The following TMEM63C variants were observed in gnomAD, a reference collection of about 807,000 sequenced individuals.
TMEM63C encodes transmembrane protein 63C, also known as osmosensitive cation channel TMEM63C.
Under a neutral mutation model 99.2 loss-of-function variants are expected in TMEM63C, and 32 were observed. That is an observed-to-expected ratio of 0.32 (90% CI 0.24 to 0.43). TMEM63C has a LOEUF of 0.43. Among genes scored for constraint, TMEM63C ranks in the 20% least tolerant of loss-of-function variants. TMEM63C has a pLI of 1.00. For synonymous variants in TMEM63C, 376 were observed against 397.9 expected (o/e 0.94, Z 0.66); for missense variants, 826 against 1,053.0 (o/e 0.78, Z 2.98).
intron 1 of TMEM63C, among the ~76,000 whole-genome samples, chr14:77,186,793 G>GTGTGTC (rs1555345696): frequency 1.1e-3 from 64 of 60,264 alleles, no homozygotes; most frequent in African/African-American, 2.3e-3. Flanking sequence ...GTGTGTGTGT[G>GTGTGTC]TGTGTGTCTG....
intron 21 of TMEM63C, among the ~76,000 whole-genome samples, chr14:77,250,750 T>C (rs989255642): frequency 3.3e-5 from 5 of 152,348 alleles, no homozygotes; most frequent in Middle Eastern, 3.4e-3. Flanking sequence ...GTCATTTATG[T>C]GGCTTACCCA....
At chr14:77,241,053 C>T (rs1248600902) in intron 13 of TMEM63C, among the ~76,000 whole-genome samples, 4 of 151,006 alleles carry the variant, frequency 2.6e-5, no homozygotes, top group Admixed American at 6.7e-5. Flanking sequence ...CAGGTTCAAG[C>T]GATTCTCCTG....
chr14:77,187,948 G>A (rs536172288), intron 1 of TMEM63C, among the ~76,000 whole-genome samples: 14 of 152,298 alleles, frequency 9.2e-5, no homozygotes, highest in African/African-American at 2.4e-4. Context: ...TGTGTGGGGC[G>A]GGGGGATGTG....
chr14:77,212,241 A>G (rs1472370905), intron 1 of TMEM63C: 1 of 152,194 alleles, frequency 6.6e-6, no homozygotes, highest in East Asian at 1.9e-4. Context: ...CTGTTATTAT[A>G]CCCATTTTCC....
chr14:77,209,547 T>C (rs1888460607), intron 1 of TMEM63C, among the ~76,000 whole-genome samples: 1 of 152,174 alleles, frequency 6.6e-6, no homozygotes, highest in Admixed American at 6.5e-5. Context: ...GATTTGTTGG[T>C]AAGCTGGCTG....
intron 13 of TMEM63C, among the ~76,000 whole-genome samples, chr14:77,241,770 A>G (rs546794837): frequency 1.8e-4 from 27 of 152,206 alleles, no homozygotes; most frequent in Non-Finnish European, 3.7e-4. Flanking sequence ...CTAAGGTTAT[A>G]TTGTTCATTC....
At chr14:77,238,594 T>C in intron 9 of TMEM63C, 100 bp from the exon 10 acceptor site, 1 of 926,566 alleles carries the variant, frequency 1.1e-6, no homozygotes, top group Non-Finnish European at 1.7e-6. Flanking sequence ...AGCAGCCTGC[T>C]GTGAGCAGAA....
chr14:77,252,650 T>C (rs1233711029), intron 22 of TMEM63C, among the ~76,000 whole-genome samples: 1 of 152,246 alleles, frequency 6.6e-6, no homozygotes, highest in Non-Finnish European at 1.5e-5. Context: ...TTTAAATGAA[T>C]GTATATAAAG....
chr14:77,250,440 T>C (rs1216994469), intron 21 of TMEM63C, among the ~76,000 whole-genome samples: 1 of 151,190 alleles, frequency 6.6e-6, no homozygotes, highest in Non-Finnish European at 1.5e-5. Context: ...CTTTTTTTTT[T>C]TTTTTCTTTT....
At chr14:77,246,932 C>T (rs957254877) in intron 18 of TMEM63C, among the ~76,000 whole-genome samples, 7 of 152,168 alleles carry the variant, frequency 4.6e-5, no homozygotes, top group Admixed American at 1.3e-4. Context: ...AAACTGTATG[C>T]AGGGTGGGTG....
At chr14:77,193,589 C>T (rs1405933845) in intron 1 of TMEM63C, among the ~76,000 whole-genome samples, 6 of 152,114 alleles carry the variant, frequency 3.9e-5, no homozygotes, top group Non-Finnish European at 8.8e-5. Flanking sequence ...AATCCCAGCA[C>T]TTTGGGAGGT....
chr14:77,244,158 C>G (rs1056277192), intron 15 of TMEM63C, among the ~76,000 whole-genome samples, 191 bp from the exon 16 acceptor site: 3 of 152,170 alleles, frequency 2.0e-5, no homozygotes, highest in Admixed American at 6.5e-5. Context: ...GAAGGCCTAG[C>G]TGCTTGGGGA....
At chr14:77,248,574 C>G in intron 19 of TMEM63C, 65 bp downstream of exon 19, 1 of 1,544,748 alleles carries the variant, frequency 6.5e-7, no homozygotes, top group Non-Finnish European at 8.8e-7. Context: ...AGGGATAGAG[C>G]CTGCTAGAAG....
At chr14:77,182,286 C>A (rs990366088) in intron 1 of TMEM63C, among the ~76,000 whole-genome samples, 2 of 152,076 alleles carry the variant, frequency 1.3e-5, no homozygotes, top group Non-Finnish European at 2.9e-5. Flanking sequence ...GGGGCTCTGC[C>A]GCCCACTCTC....
chr14:77,209,456 A>G (rs1483368303), intron 1 of TMEM63C, among the ~76,000 whole-genome samples: 1 of 152,150 alleles, frequency 6.6e-6, no homozygotes, highest in African/African-American at 2.4e-5. Flanking sequence ...TCTCTCATTG[A>G]GGCCTACTAC....
intron 1 of TMEM63C, among the ~76,000 whole-genome samples, chr14:77,189,091 A>C (rs1182038052): frequency 6.6e-6 from 1 of 152,048 alleles, no homozygotes; most frequent in Non-Finnish European, 1.5e-5. Context: ...CCATTAAGTG[A>C]AACTTTAATT....
At chr14:77,239,760 G>T in intron 12 of TMEM63C, 34 bp downstream of exon 12, 1 of 1,607,656 alleles carries the variant, frequency 6.2e-7, no homozygotes, top group South Asian at 1.1e-5. Flanking sequence ...CACAGCAAGG[G>T]AGCGGTGGGG....
intron 1 of TMEM63C, among the ~76,000 whole-genome samples, chr14:77,204,303 T>C (rs1400873527): frequency 1.3e-5 from 2 of 152,190 alleles, no homozygotes; most frequent in African/African-American, 2.4e-5. Flanking sequence ...TTTGCCATGA[T>C]AGGCTTTGAG....
intron 18 of TMEM63C, 64 bp from the exon 19 acceptor site, chr14:77,248,283 C>A: frequency 6.8e-7 from 1 of 1,468,236 alleles, no homozygotes; most frequent in South Asian, 1.2e-5. Context: ...TCTCTCCTCC[C>A]TTTTAACATC....
Sources: allele counts gnomAD v4.1 joint callset (sites outside exome capture counted in the v4.1 genomes callset), GRCh38; gene constraint gnomAD v4.1.1; transcripts MANE v1.5; gene names NCBI Gene and HGNC (gene_info 2026-07-23, HGNC 2026-07-21).